The following RABGAP1 variants were observed in gnomAD, a reference collection of about 807,000 sequenced individuals.
RABGAP1 encodes the protein rab GTPase-activating protein 1.
A neutral mutation model predicts 137.6 loss-of-function variants in RABGAP1; 23 were observed. The observed-to-expected ratio is 0.17, with a 90% CI of 0.12 to 0.24. RABGAP1 has a LOEUF of 0.24. Ranked by LOEUF, RABGAP1 falls within the 10% of genes least tolerant of loss-of-function variation. The probability of loss-of-function intolerance (pLI) is 1.00; values close to 1 mark genes in which losing one functional copy is unlikely to be tolerated. For missense variants in RABGAP1, 906 were observed against 1,275.8 expected (o/e 0.71, Z 4.42); for synonymous variants, 451 against 450.7 (o/e 1.00, Z -0.01).
At chr9:123,015,407 C>T (rs2031151126) in intron 11 of RABGAP1, 136 bp from the exon 12 acceptor site, 1 of 482,492 alleles carries the variant, frequency 2.1e-6, no homozygotes, top group Non-Finnish European at 3.6e-6. Flanking sequence ...TGTACCTATC[C>T]ATAAATACTA....
chr9:123,076,325 C>G lies in RABGAP1; in HGVS notation c.2295+39C>G, dbSNP rs765339429. 2.5e-6 allele frequency: 4 copies of G among 1,571,876 alleles called. No homozygotes were observed. In the Admixed American group the frequency reaches 5.1e-5, roughly 20 times the overall value. Reference sequence around the variant, plus strand: ...TATTAGCTGAGTTATCTGTCATTCCCTGCTCTGCACTTGCAATACATTGGT... The same window carrying G: ...TATTAGCTGAGTTATCTGTCATTCCGTGCTCTGCACTTGCAATACATTGGT... On this transcript the variant is annotated intron_variant, in intron 18 of 25. Coordinates refer to ENST00000373647, the MANE Select transcript of RABGAP1 (RefSeq NM_012197.4).
intron 13 of RABGAP1, 52 bp downstream of exon 13, chr9:123,020,511 TGAAAA>T: frequency 1.4e-6 from 2 of 1,396,022 alleles, no homozygotes; most frequent in Non-Finnish European, 9.5e-7. Context: ...AGATTTGTGA[TGAAAA>T]GATCATTATA....
At chr9:123,055,899 T>C (rs1340218610) in intron 13 of RABGAP1, among the ~76,000 whole-genome samples, 1 of 152,202 alleles carries the variant, frequency 6.6e-6, no homozygotes, top group Admixed American at 6.5e-5. Context: ...CTCAAATTGC[T>C]CCAGCTTTGA....
At chr9:123,048,532 A>G (rs755140583) in intron 13 of RABGAP1, among the ~76,000 whole-genome samples, 4 of 152,246 alleles carry the variant, frequency 2.6e-5, no homozygotes, top group Non-Finnish European at 5.9e-5. Flanking sequence ...CAAATAGTAC[A>G]AGTCAAACAA....
At chr9:123,020,237 T>C (rs2031537689) in intron 12 of RABGAP1, 72 bp from the exon 13 acceptor site, 1 of 1,289,968 alleles carries the variant, frequency 7.8e-7, no homozygotes, top group East Asian at 2.6e-5. Context: ...TAAATTGACT[T>C]TGATAAAAGT....
At position 123,053,136 on chromosome 9, in the gene RABGAP1, T is replaced by C. The variant is rs567379253; in HGVS notation, c.1795-12212T>C. ...AAGACAAAGCTATTAAGAGAAAACATAATGTTACTGGGTTTTTTTTGTCAC... is the reference window on the plus strand; with the variant it reads ...AAGACAAAGCTATTAAGAGAAAACACAATGTTACTGGGTTTTTTTTGTCAC... On this transcript the variant is annotated intron_variant, in intron 13 of 25. Coordinates refer to ENST00000373647, the MANE Select transcript of RABGAP1 (RefSeq NM_012197.4). 7.9e-5 allele frequency among the ~76,000 whole-genome samples: 12 copies of C among 152,332 alleles called. 1 individual carries two copies. The highest frequency in any genetic ancestry group is 6.8e-3 in the Middle Eastern group (2 of 294).
intron 13 of RABGAP1, among the ~76,000 whole-genome samples, chr9:123,063,516 T>C (rs1588362351): frequency 6.6e-6 from 1 of 152,256 alleles, no homozygotes; most frequent in East Asian, 1.9e-4. Flanking sequence ...CCATTTTGCA[T>C]TGTATAGGAG....
chr9:123,066,217 C>A (rs750867415), intron 14 of RABGAP1, among the ~76,000 whole-genome samples: 46 of 152,242 alleles, frequency 3.0e-4, no homozygotes, highest in African/African-American at 7.5e-4. Flanking sequence ...ATGAAAAATT[C>A]GATGATTTAA....
intron 19 of RABGAP1, among the ~76,000 whole-genome samples, chr9:123,085,128 C>G (rs921355500): frequency 1.9e-4 from 29 of 152,168 alleles, no homozygotes; most frequent in African/African-American, 6.8e-4. Context: ...AGATTAATGA[C>G]AAGTGAGTGA....
intron 25 of RABGAP1, among the ~76,000 whole-genome samples, chr9:123,102,633 CAAG>C (rs1222359171): frequency 6.6e-6 from 1 of 152,102 alleles, no homozygotes; most frequent in Non-Finnish European, 1.5e-5. Flanking sequence ...TTCAGCAGCA[CAAG>C]GAGGAGAGTG....
intron 13 of RABGAP1, among the ~76,000 whole-genome samples, chr9:123,060,965 A>G (rs1477193227): frequency 6.6e-6 from 1 of 152,246 alleles, no homozygotes; most frequent in Non-Finnish European, 1.5e-5. Flanking sequence ...ATAACATGTT[A>G]GTATATTTAA....
chr9:123,021,293 T>TAA (rs1258571217), intron 13 of RABGAP1, among the ~76,000 whole-genome samples: 11 of 127,374 alleles, frequency 8.6e-5, no homozygotes, highest in South Asian at 2.5e-4. Flanking sequence ...AGCTGTTATT[T>TAA]AAAAAAAAAA....
chr9:123,099,002 GGATT>G (rs2035265626), intron 23 of RABGAP1, among the ~76,000 whole-genome samples: 6 of 151,998 alleles, frequency 3.9e-5, no homozygotes, highest in Non-Finnish European at 8.8e-5. Flanking sequence ...GTTGTTACGA[GGATT>G]TAAAAAGACC....
At chr9:122,998,811 G>A in intron 10 of RABGAP1, 45 bp downstream of exon 10, 1 of 1,326,266 alleles carries the variant, frequency 7.5e-7, no homozygotes, top group Non-Finnish European at 1.0e-6. Context: ...TAAGAAAGGA[G>A]AAATCACGTC....
At chr9:123,008,460 G>A (rs569569523) in intron 10 of RABGAP1, among the ~76,000 whole-genome samples, 4 of 150,226 alleles carry the variant, frequency 2.7e-5, no homozygotes, top group African/African-American at 9.8e-5. Flanking sequence ...CAGGAGAATC[G>A]CTTGAACCCA....
chr9:122,995,042 A>G (rs1244474839), intron 6 of RABGAP1, among the ~76,000 whole-genome samples: 1 of 152,166 alleles, frequency 6.6e-6, no homozygotes, highest in Admixed American at 6.5e-5. Flanking sequence ...GCTTGAGCCC[A>G]GGAGTTTGAG....
chr9:122,985,386 A>C (rs1836314731), intron 3 of RABGAP1, among the ~76,000 whole-genome samples: 1 of 152,192 alleles, frequency 6.6e-6, no homozygotes, highest in Non-Finnish European at 1.5e-5. Context: ...AGGCCGAGGC[A>C]GGTGGATCAC....
At chr9:123,048,907 G>T (rs2033336826) in intron 13 of RABGAP1, among the ~76,000 whole-genome samples, 1 of 152,180 alleles carries the variant, frequency 6.6e-6, no homozygotes, top group Admixed American at 6.5e-5. Flanking sequence ...CATGATTTGG[G>T]ACCGTTTTGC....
intron 3 of RABGAP1, 31 bp downstream of exon 3, chr9:122,984,750 A>G: frequency 6.3e-7 from 1 of 1,591,034 alleles, no homozygotes; most frequent in Non-Finnish European, 8.6e-7. Flanking sequence ...TGCGTAACTG[A>G]AGGTTATTGT....
Sources: allele counts gnomAD v4.1 joint callset (sites outside exome capture counted in the v4.1 genomes callset), GRCh38; gene constraint gnomAD v4.1.1; transcripts MANE v1.5; gene names NCBI Gene and HGNC (gene_info 2026-07-23, HGNC 2026-07-21).